The following ACP4 variants were observed in gnomAD, a reference collection of about 807,000 sequenced individuals.
ACP4 encodes the protein testicular acid phosphatase.
In ACP4, 49 loss-of-function variants were observed where a neutral mutation model predicts 47.3. The observed-to-expected ratio is 1.04, with a 90% CI of 0.82 to 1.32. The LOEUF is 1.32. ACP4 is among the 40% of genes most tolerant of loss of function. ACP4 has a pLI of 0.00. For missense variants in ACP4, 594 were observed against 579.3 expected, an observed-to-expected ratio of 1.03 and a Z score of -0.26; for synonymous variants, 299 against 265.3, an observed-to-expected ratio of 1.13 and a Z score of -1.23.
Position 50,790,451 on chromosome 19 carries a change from C to A in ACP4, c.37C>A (p.Pro13Thr). Reference protein sequence around the residue: ...GLGFWGHPAGPLLLLLLLVLP... With the variant: ...GLGFWGHPAGTLLLLLLLVLP... ...GGGGTTTTGGGGCCACCCTGCTGGA[C>A]CTCTCCTGCTGCTGCTGCTGCTGGT... The change falls in exon 1 of 11, where the codon CCT becomes ACT. Residue 13 changes from proline to threonine, a missense_variant. Pro to Thr is a conservative substitution (Grantham distance 38). Coordinates refer to ENST00000270593, the MANE Select transcript of ACP4 (RefSeq NM_033068.3). 1.3e-6 allele frequency: 2 copies of A among 1,585,170 alleles called. No individual in the cohort carries two copies. Among genetic ancestry groups the A allele is most frequent in the Admixed American group, 1.8e-5 (1 of 56,050 alleles).
rs753665294 is a variant in ACP4 at position 50,795,018 on chromosome 19, C to T, written c.1166-25C>T. 5.6e-6 allele frequency: 9 copies of T among 1,612,662 alleles called. No homozygotes were observed. The East Asian group carries it at 1.3e-4, about 24-fold the overall frequency. The stretch of plus-strand genomic sequence containing the variant: ...TGGAGGGTTGCCAAGTCCTGGCACT[C>T]ACCCCCCGCGTGTTCTCCCTGCAGC... On this transcript the variant is annotated intron_variant, in intron 10 of 10. Transcript: ENST00000270593.
intron 6 of ACP4, 66 bp from the exon 7 acceptor site, chr19:50,793,618 C>T (rs2089528495): frequency 5.7e-6 from 9 of 1,588,194 alleles, no homozygotes; most frequent in Non-Finnish European, 7.7e-6. Context: ...GGGGGCAGCA[C>T]AGGCCTGCGG....
At position 50,793,736 on chromosome 19, in the gene ACP4, C is replaced by CT; in HGVS notation, c.699dup (p.Leu234SerfsTer56). On this transcript the variant is annotated frameshift_variant, in exon 7 of 11. Transcript: ENST00000270593. LOFTEE classifies it high-confidence loss of function. ...TGGGCCTCCCCAGATGTCCTGCGGA[C>CT]TCTTGCCCAGATCTCGGCTTTGGAT... The CT allele has an allele frequency of 6.2e-7, 1 of 1,613,794 alleles. No homozygotes were observed. The highest frequency in any genetic ancestry group is 8.5e-7 in the Non-Finnish European group (1 of 1,180,036).
chr19:50,794,374 G>C, intron 8 of ACP4, 83 bp from the exon 9 acceptor site: 11 of 1,562,436 alleles, frequency 7.0e-6, no homozygotes, highest in Non-Finnish European at 9.5e-6. Flanking sequence ...GAAGCCTGGG[G>C]GACATCTGGA....
intron 6 of ACP4, chr19:50,792,941 G>A (rs375562409): frequency 6.5e-5 from 10 of 152,808 alleles, no homozygotes; most frequent in African/African-American, 2.4e-4. Context: ...CAAGAGCTGG[G>A]ATTACAGGCG....
In ACP4 at chr19:50,794,489, C is replaced by T. The variant is rs751575996; in HGVS notation, c.894C>T (p.Ala298=). ...GCACCCTGCTGGCCCTCCAGGGGGC[C>T]CTGGGCCTCTATGATGGACACACCC... ...HDSTLLALQG[A]LGLYDGHTPP... The change falls in exon 9 of 11, where the codon GCC becomes GCT. Residue 298 remains alanine, a synonymous_variant. Transcript: ENST00000270593. 2.5e-6 allele frequency: 4 copies of T among 1,613,610 alleles called. No individual in the cohort carries two copies. Among genetic ancestry groups the T allele is most frequent in the East Asian group, 4.5e-5 (2 of 44,832 alleles).
rs768573657 is a variant in ACP4 at position 50,795,153 on chromosome 19, G to A, written c.1276G>A (p.Val426Met). 1.3e-5 allele frequency: 20 copies of A among 1,541,202 alleles called. No individual in the cohort carries two copies. The highest frequency in any genetic ancestry group is 9.6e-5 in the African/African-American group (7 of 73,082). The change falls in exon 11 of 11, where the codon GTG (valine) becomes ATG (methionine). Residue 426 changes from valine (V) to methionine (M), a missense_variant. Physicochemically the swap from Val to Met is conservative, Grantham distance 21. Transcript: ENST00000270593. ...GTGCCTGCGGGCCTTGGGGGGCCCC[G>A]TGTGAGCCAGAAACCAGGGCTTCCC... ...PGCLRALGGP[V>M]
intron 4 of ACP4, 53 bp from the exon 5 acceptor site, chr19:50,792,020 G>A (rs1360034185): frequency 1.3e-6 from 2 of 1,518,704 alleles, no homozygotes; most frequent in African/African-American, 2.8e-5. Flanking sequence ...GACCCGCTGT[G>A]AGACCCAAGG....
At chr19:50,790,720 AG>A in intron 2 of ACP4, 22 bp downstream of exon 2, 1 of 751,892 alleles carries the variant, frequency 1.3e-6, no homozygotes. Flanking sequence ...GTAGGCGGTG[AG>A]GGCAAGGGTG....
At position 50,794,546 on chromosome 19, in the gene ACP4, C is replaced by T; in HGVS notation, c.951C>T (p.Phe317=). 7.4e-6 allele frequency: 12 copies of T among 1,614,026 alleles called. No homozygotes were observed. Among genetic ancestry groups the T allele is most frequent in the Non-Finnish European group, 1.0e-5 (12 of 1,180,016 alleles). ...PPYAACLGFE[F]RKHLGNPAKD... is the part of the protein sequence containing the mutation. ...ATGCTGCCTGCCTCGGCTTTGAGTTCCGGAAGCACCTGGGGAATCCCGCCA... is the reference window on the plus strand; with the variant it reads ...ATGCTGCCTGCCTCGGCTTTGAGTTTCGGAAGCACCTGGGGAATCCCGCCA... Residue 317 remains phenylalanine, a synonymous_variant, in exon 9 of 11, where the codon TTC becomes TTT. Transcript: ENST00000270593.
Position 50,790,644 on chromosome 19 carries a change from A to C in ACP4, c.162A>C (p.Pro54=), listed in dbSNP as rs551995948. 6.5e-5 allele frequency: 101 copies of C among 1,549,024 alleles called. No homozygotes were observed. The highest frequency in any genetic ancestry group is 9.7e-5 in the Admixed American group (5 of 51,638). The change falls in exon 2 of 11, where the codon CCA becomes CCC. Residue 54 remains proline (P), a synonymous_variant. Transcript: ENST00000270593. ...RAPLASYPMD[P]HKEVASTLWP... is the part of the protein sequence containing the mutation. Reference sequence around the variant, plus strand: ...CGCTGGCCTCCTACCCCATGGACCCACACAAGGAGGTGGCCTCCACCCTGT... The same window carrying C: ...CGCTGGCCTCCTACCCCATGGACCCCCACAAGGAGGTGGCCTCCACCCTGT...
At position 50,794,791 on chromosome 19, in the gene ACP4, TCAC is replaced by T. The variant is rs1599913329; in HGVS notation, c.994_996del (p.Thr332del). The T allele has an allele frequency of 6.2e-7, 1 of 1,600,218 alleles. No homozygotes were observed. ...ACCATGTCCTCTCTCTCCAGGAATG[TCAC>T]CGTCTCCCTCTTCTACCGCAATGAC... is the stretch of plus-strand genomic sequence containing the variant. On this transcript the variant is annotated inframe_deletion, in exon 10 of 11. Transcript: ENST00000270593.
At chr19:50,792,432 A>G in intron 6 of ACP4, 95 bp downstream of exon 6, 1 of 1,288,420 alleles carries the variant, frequency 7.8e-7, no homozygotes, top group East Asian at 2.5e-5. Context: ...GCATGTAGTT[A>G]ATCCTCTGTG....
chr19:50,791,883 G>A (rs1367174075), intron 4 of ACP4, 81 bp downstream of exon 4: 2 of 1,499,898 alleles, frequency 1.3e-6, no homozygotes, highest in East Asian at 5.0e-5. Flanking sequence ...GCCTGAGCTG[G>A]CTCCGAGAAG....
chr19:50,794,948 G>A lies in ACP4; in HGVS notation c.1149G>A (p.Glu383=), dbSNP rs371381103. ...GGGTCTCCTGCCATGGCCCCTATGA[G>A]GCTGCCATCCCCCCAGGTGACAGTC... ...AHGVSCHGPY[E]AAIPPAPVVP... Residue 383 remains glutamate, a synonymous_variant, in exon 10 of 11, where the codon GAG becomes GAA. Coordinates refer to ENST00000270593, the MANE Select transcript of ACP4 (RefSeq NM_033068.3). 8.1e-6 allele frequency: 13 copies of A among 1,613,034 alleles called. No individual in the cohort carries two copies. The highest frequency in any genetic ancestry group is 1.1e-5 in the South Asian group (1 of 90,914).
At chr19:50,794,643 G>A (rs2089540307) in intron 9 of ACP4, 62 bp downstream of exon 9, 1 of 1,611,888 alleles carries the variant, frequency 6.2e-7, no homozygotes, top group Non-Finnish European at 8.5e-7. Flanking sequence ...AAGGGGTGAT[G>A]TGTCAGGCAG....
rs2089517510 is a variant in ACP4, at chr19:50,792,327, T to G, written c.635T>G (p.Leu212Arg). Residue 212 changes from leucine to arginine, a missense_variant, in exon 6 of 11, where the codon CTC becomes CGC. By Grantham distance (102) the Leu-to-Arg change is moderately radical. Transcript: ENST00000270593. ...LRRAWKVLDT[L>R]MCQQAHGLPL... ...AGGGCATGGAAGGTTCTGGACACCC[T>G]CATGTGCCAGGTGAGCCCTGCCCCT... 1.9e-6 allele frequency: 3 copies of G among 1,613,244 alleles called. No individual in the cohort carries two copies. Among genetic ancestry groups the G allele is most frequent in the Non-Finnish European group, 2.5e-6 (3 of 1,179,998 alleles).
At chr19:50,793,533 A>G in intron 6 of ACP4, 151 bp from the exon 7 acceptor site, 1 of 1,201,184 alleles carries the variant, frequency 8.3e-7, no homozygotes, top group Non-Finnish European at 1.2e-6. Context: ...AAACAACAAC[A>G]AAAAAACACT....
Position 50,792,228 on chromosome 19 carries a change from C to G in ACP4, c.550-14C>G. On this transcript the variant is annotated splice_polypyrimidine_tract_variant and intron_variant, in intron 5 of 10. Coordinates refer to ENST00000270593, the MANE Select transcript of ACP4 (RefSeq NM_033068.3). ...AGGGGATGGGCCTGGGCTCACCCAG[C>G]CCCGCGCATCCAGGGCTTCCTGAGT... The G allele has an allele frequency of 6.2e-7, 1 of 1,612,584 alleles. No individual in the cohort carries two copies. Among genetic ancestry groups the G allele is most frequent in the Non-Finnish European group, 8.5e-7 (1 of 1,179,756 alleles).
Sources: allele counts gnomAD v4.1 joint callset, GRCh38; gene constraint gnomAD v4.1.1; transcripts MANE v1.5; gene names NCBI Gene and HGNC (gene_info 2026-07-23, HGNC 2026-07-21).